NBR1: variants seen among roughly 807,000 people sequenced by gnomAD.
NBR1 encodes NBR1 autophagy cargo receptor, also known as next to BRCA1 gene 1 protein.
In NBR1, 59 loss-of-function variants were observed where a neutral mutation model predicts 115.5. The observed-to-expected ratio is 0.51, with a 90% CI of 0.41 to 0.63. The LOEUF is 0.63. Ranked by LOEUF, NBR1 falls within the 30% of genes least tolerant of loss-of-function variation. NBR1 has a pLI of 0.00. For synonymous variants in NBR1, 373 were observed against 414.7 expected, an observed-to-expected ratio of 0.90 and a Z score of 1.22; for missense variants, 1,043 against 1,150.5, an observed-to-expected ratio of 0.91 and a Z score of 1.35.
intron 1 of NBR1, among the ~76,000 whole-genome samples, chr17:43,171,619 C>T (rs1414378319): frequency 1.3e-5 from 2 of 152,156 alleles, no homozygotes; most frequent in African/African-American, 4.8e-5. Context: ...GTCTTGGGAA[C>T]ATGGAGTGCT....
At chr17:43,194,811 T>G (rs2057029769) in intron 13 of NBR1, 153 bp from the exon 14 acceptor site, 8 of 652,744 alleles carry the variant, frequency 1.2e-5, no homozygotes, top group Non-Finnish European at 5.3e-6. Context: ...AACATCTAAT[T>G]CCCATTTAAC....
In NBR1 at chr17:43,175,821, A is replaced by C. The variant is rs773307754; in HGVS notation, c.22A>C (p.Asn8His). MEPQVTLNVTFKNEIQSF... is the reference protein window; with the variant it reads MEPQVTLHVTFKNEIQSF... ...CAGCATGGAACCACAGGTTACTCTA[A>C]ATGTGACTTTTAAAAATGAAATTCA... Residue 8 changes from asparagine (N) to histidine (H), a missense_variant, in exon 2 of 21, where the codon AAT (asparagine) becomes CAT (histidine). Asn to His is a moderately conservative substitution (Grantham distance 68). Transcript: ENST00000590996. 422 of 1,599,034 alleles carry C rather than the reference A, an allele frequency of 2.6e-4. No homozygotes were observed. The highest frequency in any genetic ancestry group is 3.2e-4 in the Non-Finnish European group (369 of 1,170,076).
chr17:43,203,233 G>A (rs1039652888), intron 19 of NBR1, among the ~76,000 whole-genome samples: 8 of 152,142 alleles, frequency 5.3e-5, no homozygotes, highest in South Asian at 2.1e-4. Context: ...TGGGGAAAAG[G>A]TAGAAAGGTT....
chr17:43,184,920 C>T (rs1361432481), intron 5 of NBR1, among the ~76,000 whole-genome samples: 1 of 151,624 alleles, frequency 6.6e-6, no homozygotes, highest in African/African-American at 2.4e-5. Context: ...GAAACCCCAT[C>T]TCTACTAAAA....
intron 1 of NBR1, among the ~76,000 whole-genome samples, chr17:43,171,666 A>G (rs2056374101): frequency 6.6e-6 from 1 of 152,224 alleles, no homozygotes; most frequent in South Asian, 2.1e-4. Flanking sequence ...TGAACTCTGC[A>G]AGTAAAAAAA....
intron 20 of NBR1, among the ~76,000 whole-genome samples, chr17:43,209,117 C>T (rs2057369810): frequency 6.6e-6 from 1 of 151,476 alleles, no homozygotes; most frequent in African/African-American, 2.4e-5. Flanking sequence ...CGCTCTGTCA[C>T]CCAGGCTGGA....
At chr17:43,188,829 C>T (rs1175919565) in intron 6 of NBR1, among the ~76,000 whole-genome samples, 6 of 152,194 alleles carry the variant, frequency 3.9e-5, no homozygotes, top group Admixed American at 3.3e-4. Context: ...GTGCTCCTCT[C>T]TCTGACTTTT....
At position 43,193,211 on chromosome 17, in the gene NBR1, G is replaced by T. The variant is rs771103815; in HGVS notation, c.1191G>T (p.Arg397Ser). 6.2e-7 allele frequency: 1 copy of T among 1,613,944 alleles called. No homozygotes were observed. Among genetic ancestry groups the T allele is most frequent in the South Asian group, 1.1e-5 (1 of 91,078 alleles). Residue 397 changes from arginine (R) to serine (S), a missense_variant, in exon 11 of 21, where the codon AGG (arginine) becomes AGT (serine). Physicochemically the swap from Arg to Ser is moderately radical, Grantham distance 110 (BLOSUM62 -1). Coordinates refer to ENST00000590996, the MANE Select transcript of NBR1 (RefSeq NM_005899.5). ...GAACCAAGTTTATCAAACACTGGAG[G>T]ATGAAAAATACAGGAAATGTAAAGT... is the stretch of plus-strand genomic sequence containing the variant. ...QPGTKFIKHW[R>S]MKNTGNVKWS...
At position 43,210,480 on chromosome 17, in the gene NBR1, T is replaced by C. The variant is rs1409473243; in HGVS notation, c.*406T>C. The C allele has an allele frequency of 1.5e-5, 6 of 397,390 alleles. No individual in the cohort carries two copies. The highest frequency in any genetic ancestry group is 2.7e-5 in the Non-Finnish European group (6 of 225,940). 24.6% of individuals were successfully genotyped at this position (397,390 alleles called of 1,614,324 possible). A position where few individuals can be genotyped will look rare whatever the true frequency, so the allele number is the denominator to read the frequency against. ...AAAGACATTAACCTCGGAAGTTGTT[T>C]TTAAGAATTATTCTCATAATTCTTA... On this transcript the variant is annotated 3_prime_UTR_variant, in exon 21 of 21. Coordinates refer to ENST00000590996, the MANE Select transcript of NBR1 (RefSeq NM_005899.5).
Position 43,186,292 on chromosome 17 carries a change from G to A in NBR1, c.250G>A (p.Glu84Lys), listed in dbSNP as rs769117662. The change falls in exon 6 of 21, where the codon GAA (glutamate) becomes AAA (lysine). Residue 84 changes from glutamate to lysine, a missense_variant. Glu to Lys is a moderately conservative substitution (Grantham distance 56). Coordinates refer to ENST00000590996, the MANE Select transcript of NBR1 (RefSeq NM_005899.5). The stretch of plus-strand genomic sequence containing the variant: ...AAACCAACTGCAGATGCAAGTCCAC[G>A]AAGGGCACCATGTCGTTGATGAAGC... ...QGNQLQMQVH[E>K]GHHVVDEAPP... The A allele has an allele frequency of 2.1e-5, 34 of 1,586,864 alleles. No homozygotes were observed. The highest frequency in any genetic ancestry group is 1.7e-4 in the Middle Eastern group (1 of 6,028).
Position 43,188,458 on chromosome 17 carries a change from A to G in NBR1, c.403-584A>G, listed in dbSNP as rs2056870121. ...TTCTTTTGCTGTGCAGAAGCTCTTT[A>G]GTTTAATTAGATCCCATTGTCAATT... On this transcript the variant is annotated intron_variant, in intron 6 of 20. Coordinates refer to ENST00000590996, the MANE Select transcript of NBR1 (RefSeq NM_005899.5). Among the ~76,000 whole-genome samples, 9 of 152,108 alleles carry G rather than the reference A, an allele frequency of 5.9e-5. 1 individual carries two copies. The highest frequency in any genetic ancestry group is 5.2e-4 in the Admixed American group (8 of 15,256).
chr17:43,204,210 T>A (rs2057266935), intron 20 of NBR1, among the ~76,000 whole-genome samples: 1 of 151,756 alleles, frequency 6.6e-6, no homozygotes, highest in Non-Finnish European at 1.5e-5. Context: ...AGTGCTGGGA[T>A]TACAGGTGTG....
chr17:43,188,979 C>G (rs2056881734), intron 6 of NBR1, 63 bp from the exon 7 acceptor site: 9 of 1,154,916 alleles, frequency 7.8e-6, no homozygotes, highest in African/African-American at 6.1e-5. Flanking sequence ...ATAATACACT[C>G]CAGGAAAAGT....
At chr17:43,201,591 A>C in intron 17 of NBR1, 95 bp from the exon 18 acceptor site, 1 of 725,610 alleles carries the variant, frequency 1.4e-6, no homozygotes, top group Non-Finnish European at 2.5e-6. Flanking sequence ...AAGCCTCTGT[A>C]GAGAATTTGG....
chr17:43,192,815 C>G (rs1283764084), intron 10 of NBR1, among the ~76,000 whole-genome samples: 1 of 152,158 alleles, frequency 6.6e-6, no homozygotes, highest in Non-Finnish European at 1.5e-5. Context: ...AAGCCTGACT[C>G]TCTAGGTGTT....
At chr17:43,200,645 A>G (rs1290519607) in intron 17 of NBR1, 37 bp downstream of exon 17, 2 of 1,543,056 alleles carry the variant, frequency 1.3e-6, no homozygotes. Flanking sequence ...GGTGTTCTTC[A>G]GAGGTGAAAT....
intron 1 of NBR1, among the ~76,000 whole-genome samples, chr17:43,173,051 C>T (rs1277534456): frequency 6.6e-6 from 1 of 152,148 alleles, no homozygotes; most frequent in Non-Finnish European, 1.5e-5. Context: ...TGGTCTCGAT[C>T]TCCTGACCTC....
At position 43,209,434 on chromosome 17, in the gene NBR1, C is replaced by T. The variant is rs556978435; in HGVS notation, c.2728-467C>T. On this transcript the variant is annotated intron_variant, in intron 20 of 20. Coordinates refer to ENST00000590996, the MANE Select transcript of NBR1 (RefSeq NM_005899.5). ...AAGAAGCCTTCCCAGGTTGTAATTT[C>T]CCAAGCTGTTTTTTTTGTCCAGCTC... The T allele has an allele frequency of 2.9e-5, 22 of 746,160 alleles. No individual in the cohort carries two copies. In the Middle Eastern group the frequency reaches 9.4e-4, roughly 32 times the overall value. The allele number at this position is 746,160 out of a possible 1,614,324, so 46.2% of individuals were successfully genotyped here. A position where few individuals can be genotyped will look rare whatever the true frequency, so the allele number is the denominator to read the frequency against.
At position 43,191,548 on chromosome 17, in the gene NBR1, G is replaced by A. The variant is rs529923127; in HGVS notation, c.1040G>A (p.Arg347Gln). 9.3e-6 allele frequency: 15 copies of A among 1,612,846 alleles called. No homozygotes were observed. In the South Asian group the frequency reaches 9.9e-5, roughly 11 times the overall value. ...CAGAGCCCCAAGTCTCCTTTAGGCC[G>A]ACCTGAGAGCTTGCTCCAGTCTAAT... is the stretch of plus-strand genomic sequence containing the variant. Reference protein sequence around the residue: ...GLQSPKSPLGRPESLLQSNTL... With the variant: ...GLQSPKSPLGQPESLLQSNTL... The change falls in exon 10 of 21, where the codon CGA becomes CAA. Residue 347 changes from arginine (R) to glutamine (Q), a missense_variant. Transcript: ENST00000590996.
Sources: gnomAD v4.1 joint callset for allele counts (sites outside exome capture counted in the v4.1 genomes callset) on GRCh38, gnomAD v4.1.1 for gene constraint, MANE v1.5 for transcripts, NCBI Gene and HGNC (gene_info 2026-07-23, HGNC 2026-07-21) for gene names.